GRHL1: variants seen among roughly 807,000 people sequenced by gnomAD.
GRHL1 encodes grainyhead-like protein 1 homolog.
Under a neutral mutation model 75.7 loss-of-function variants are expected in GRHL1, and 38 were observed. The observed-to-expected ratio is 0.50, with a 90% CI of 0.39 to 0.66. The LOEUF (loss-of-function observed/expected upper bound fraction) is 0.66. GRHL1 is among the 30% of genes least tolerant of loss of function. The pLI is 0.00. For missense variants in GRHL1, 589 were observed against 767.5 expected (o/e 0.77, Z 2.75); for synonymous variants, 266 against 279.4 (o/e 0.95, Z 0.48).
chr2:9,982,534 G>A (rs981527019), intron 8 of GRHL1, among the ~76,000 whole-genome samples: 1 of 152,212 alleles, frequency 6.6e-6, no homozygotes, highest in Non-Finnish European at 1.5e-5. Context: ...GAGTTGTGAG[G>A]CACTGTTGTA....
chr2:9,988,467 AC>A (rs748692542), intron 9 of GRHL1, among the ~76,000 whole-genome samples: 2 of 151,994 alleles, frequency 1.3e-5, no homozygotes, highest in Non-Finnish European at 2.9e-5. Context: ...TCAGTTCCCA[AC>A]CCTGACCCCC....
In GRHL1 at chr2:9,975,085, C is replaced by T. The variant is rs117623360; in HGVS notation, c.1110+9704C>T. Among the ~76,000 whole-genome samples, 5 of 152,302 alleles carry T rather than the reference C, an allele frequency of 3.3e-5. No individual in the cohort carries two copies. In the East Asian group the frequency reaches 7.7e-4, roughly 23 times the overall value. On this transcript the variant is annotated intron_variant, in intron 8 of 15. Transcript: ENST00000324907. ...GTTGTGAATGTAAGTGGAAAAGGGG[C>T]AGCTGGAACAGCTTAGTCCGAGGAG... is the stretch of plus-strand genomic sequence containing the variant.
intron 7 of GRHL1, chr2:9,964,795 T>TCC: frequency 5.9e-6 from 1 of 168,338 alleles, no homozygotes; most frequent in Non-Finnish European, 1.3e-5. Context: ...CTCTGTGGGC[T>TCC]GTAGTGGCAA....
Position 9,961,386 on chromosome 2 carries a change from C to A in GRHL1, c.619C>A (p.Arg207=). The A allele has an allele frequency of 6.2e-7, 1 of 1,614,018 alleles. No homozygotes were observed. Residue 207 remains arginine, a synonymous_variant, in exon 4 of 16, where the codon CGA becomes AGA. Transcript: ENST00000324907. ...TGCTCAAGCCCCAAATGCTCAAAGG[C>A]GAACTCCAGACTCGACCTTCTCAGA... ...SGAQAPNAQR[R]TPDSTFSETF...
rs761568871 is a variant in GRHL1 at position 9,996,388 on chromosome 2, G to A, written c.1664G>A (p.Gly555Asp). Residue 555 changes from glycine (G) to aspartate (D), a missense_variant, in exon 14 of 16, where the codon GGC becomes GAC. Transcript: ENST00000324907. ...ALMLKTPSLKGLMEAISDKYD... is the reference protein window; with the variant it reads ...ALMLKTPSLKDLMEAISDKYD... The stretch of plus-strand genomic sequence containing the variant: ...ATGCTCAAAACCCCATCTTTGAAGG[G>A]CTTGATGGAAGCTGTAAGTAGGATC... 1.2e-6 allele frequency: 2 copies of A among 1,605,886 alleles called. No homozygotes were observed. Among genetic ancestry groups the A allele is most frequent in the Admixed American group, 3.3e-5 (2 of 60,026 alleles).
At chr2:9,986,711 C>T (rs1668431554) in intron 9 of GRHL1, among the ~76,000 whole-genome samples, 1 of 152,050 alleles carries the variant, frequency 6.6e-6, no homozygotes, top group Admixed American at 6.6e-5. Flanking sequence ...AGCCACCGCG[C>T]CCAGCCTTTA....
At chr2:9,983,827 AT>A (rs1374435845) in intron 8 of GRHL1, among the ~76,000 whole-genome samples, 1 of 144,778 alleles carries the variant, frequency 6.9e-6, no homozygotes, top group Non-Finnish European at 1.5e-5. Flanking sequence ...CTTACCTCTG[AT>A]TTGTGGATTT....
chr2:9,998,471 TATATATATACATATATATAC>T lies in GRHL1; in HGVS notation c.1678-493_1678-474del, dbSNP rs1558319587. ...GTGTATATATATACATATATATACG[TATATATATACATATATATAC>T]GTATATATACATATATATACGTATA... On this transcript the variant is annotated intron_variant, in intron 14 of 15. Transcript: ENST00000324907. Among the ~76,000 whole-genome samples, 472 of 52,042 alleles carry T rather than the reference TATATATATACATATATATAC, an allele frequency of 9.1e-3. 133 individuals are homozygous for T. The highest frequency in any genetic ancestry group is 0.013 in the Admixed American group (44 of 3,432). 34.1% of individuals were successfully genotyped at this position (52,042 alleles called of 152,430 possible).
intron 8 of GRHL1, among the ~76,000 whole-genome samples, chr2:9,969,314 G>A (rs569758564): frequency 6.6e-6 from 1 of 152,208 alleles, no homozygotes; most frequent in Non-Finnish European, 1.5e-5. Flanking sequence ...AGTTAGTGGG[G>A]CATGGCTGCC....
At chr2:9,955,173 C>T in intron 2 of GRHL1, 72 bp downstream of exon 2, 1 of 985,846 alleles carries the variant, frequency 1.0e-6, no homozygotes, top group Admixed American at 2.6e-5. Context: ...TAGAAACAGA[C>T]ATTTGCTGGT....
At chr2:9,959,109 T>C in intron 3 of GRHL1, 1 of 306,410 alleles carries the variant, frequency 3.3e-6, no homozygotes, top group Non-Finnish European at 6.0e-6. Flanking sequence ...GGGATAGTTT[T>C]AGTAATAACT....
Position 9,965,309 on chromosome 2 carries a change from C to T in GRHL1, c.1038C>T (p.Asn346=). 3 of 1,607,642 alleles carry T rather than the reference C, an allele frequency of 1.9e-6. No individual in the cohort carries two copies. Among genetic ancestry groups the T allele is most frequent in the Non-Finnish European group, 2.6e-6 (3 of 1,174,082 alleles). The change falls in exon 8 of 16, where the codon AAC becomes AAT. Residue 346 remains asparagine (N), a synonymous_variant. Coordinates refer to ENST00000324907, the MANE Select transcript of GRHL1 (RefSeq NM_198182.3). ...IDIADYKESF[N]TISNIEEIAY... is the part of the protein sequence containing the mutation. Reference sequence around the variant, plus strand: ...TAGCTGACTATAAAGAAAGCTTCAACACTATCAGTAACATCGAGGAGATTG... The same window carrying T: ...TAGCTGACTATAAAGAAAGCTTCAATACTATCAGTAACATCGAGGAGATTG...
chr2:9,998,375 A>G (rs1253580338), intron 14 of GRHL1, among the ~76,000 whole-genome samples: 1 of 148,120 alleles, frequency 6.8e-6, no homozygotes, highest in Non-Finnish European at 1.5e-5. Flanking sequence ...GGGCTTTTCC[A>G]TGTCTTTGTG....
At position 9,986,254 on chromosome 2, in the gene GRHL1, ACT is replaced by A; in HGVS notation, c.1242_1243del (p.Tyr414Ter). 6.2e-7 allele frequency: 1 copy of A among 1,613,700 alleles called. No homozygotes were observed. Among genetic ancestry groups the A allele is most frequent in the Non-Finnish European group, 8.5e-7 (1 of 1,179,872 alleles). On this transcript the variant is annotated stop_gained and frameshift_variant, in exon 9 of 16. Transcript: ENST00000324907. LOFTEE classifies it high-confidence loss of function. ...AGCAACAAGCCTGTGCACCGGGCCT[ACT>A]GCCAGATCAAGGTCTTCTGTGACAA...
In GRHL1 at chr2:9,999,625, T is replaced by C. The variant is rs545063061; in HGVS notation, c.1742+596T>C. On this transcript the variant is annotated intron_variant, in intron 15 of 15. Coordinates refer to ENST00000324907, the MANE Select transcript of GRHL1 (RefSeq NM_198182.3). ...TGCCTCTGCAGCCCATGCCCTGCTCTACCCTCCTGCTCAGGATCCTATTTC... is the reference window on the plus strand; with the variant it reads ...TGCCTCTGCAGCCCATGCCCTGCTCCACCCTCCTGCTCAGGATCCTATTTC... Among the ~76,000 whole-genome samples the C allele has an allele frequency of 3.9e-5, 6 of 152,354 alleles. No homozygotes were observed. In the East Asian group the frequency reaches 1.2e-3, roughly 29 times the overall value.
intron 2 of GRHL1, among the ~76,000 whole-genome samples, chr2:9,958,291 C>T (rs1297637747): frequency 1.3e-5 from 2 of 151,792 alleles, no homozygotes; most frequent in Admixed American, 1.3e-4. Flanking sequence ...ATCTTCTCAC[C>T]GCAGTCTCTC....
intron 12 of GRHL1, 41 bp downstream of exon 12, chr2:9,993,285 AATG>A: frequency 6.6e-7 from 1 of 1,505,786 alleles, no homozygotes; most frequent in Non-Finnish European, 9.2e-7. Flanking sequence ...TAATAATGGA[AATG>A]ATTTCAAACT....
chr2:9,955,349 G>T (rs1028861753), intron 2 of GRHL1, among the ~76,000 whole-genome samples: 3 of 152,186 alleles, frequency 2.0e-5, no homozygotes, highest in Admixed American at 1.3e-4. Context: ...TGAAGCTACC[G>T]TAAAAGAAGA....
rs1404096662 is a variant in GRHL1, at chr2:9,996,309, T to C, written c.1592-7T>C. 1.3e-6 allele frequency: 2 copies of C among 1,596,610 alleles called. No individual in the cohort carries two copies. Among genetic ancestry groups the C allele is most frequent in the African/African-American group, 1.3e-5 (1 of 74,586 alleles). ...CCCTTCCTTATTCCTGGTTGGGGAT[T>C]GATTAGTGCTGCTCTACGTTCGAAA... On this transcript the variant is annotated splice_region_variant and splice_polypyrimidine_tract_variant and intron_variant, in intron 13 of 15. Transcript: ENST00000324907.
Sources: gnomAD v4.1 joint callset for allele counts (sites outside exome capture counted in the v4.1 genomes callset) on GRCh38, gnomAD v4.1.1 for gene constraint, MANE v1.5 for transcripts, NCBI Gene and HGNC (gene_info 2026-07-23, HGNC 2026-07-21) for gene names.